The following CSMD1 variants were observed in gnomAD, a reference collection of about 807,000 sequenced individuals.
CSMD1 encodes the protein CUB and sushi domain-containing protein 1.
A neutral mutation model predicts 417.5 loss-of-function variants in CSMD1; 213 were observed. The ratio of observed to expected loss-of-function variants is 0.51; its 90% CI spans 0.46 to 0.57. The LOEUF (loss-of-function observed/expected upper bound fraction) is 0.57, where lower values mean the gene tolerates loss of function less well. Among genes scored for constraint, CSMD1 ranks in the 20% least tolerant of loss-of-function variants. CSMD1 has a pLI of 0.00. For missense variants in CSMD1, 6,923 were observed against 4,529.7 expected, an observed-to-expected ratio of 1.53 and a Z score of -15.17; for synonymous variants, 2,862 against 1,736.8, an observed-to-expected ratio of 1.65 and a Z score of -16.11.
chr8:3,306,301 G>A (rs1329686804), intron 25 of CSMD1, among the ~76,000 whole-genome samples: 2 of 152,192 alleles, frequency 1.3e-5, no homozygotes, highest in Non-Finnish European at 2.9e-5. Flanking sequence ...AGTATCCTGA[G>A]TAGCTGGGAT....
chr8:4,881,661 A>G (rs535780923), intron 1 of CSMD1, among the ~76,000 whole-genome samples: 2 of 152,148 alleles, frequency 1.3e-5, no homozygotes, highest in African/African-American at 2.4e-5. Context: ...TTTTAAATAC[A>G]TAAAGAGTCT....
chr8:3,236,100 A>G (rs1799139846), intron 26 of CSMD1, among the ~76,000 whole-genome samples: 1 of 151,706 alleles, frequency 6.6e-6, no homozygotes, highest in African/African-American at 2.4e-5. Flanking sequence ...TTGTATTTTT[A>G]GTAGAGACAG....
intron 2 of CSMD1, among the ~76,000 whole-genome samples, chr8:4,518,850 G>T (rs921309345): frequency 6.6e-6 from 1 of 151,936 alleles, no homozygotes; most frequent in Non-Finnish European, 1.5e-5. Context: ...TATTCGGCAT[G>T]GTCTAAATAC....
In CSMD1 at chr8:4,914,309, G is replaced by T. The variant is rs1297758566; in HGVS notation, c.85+80023C>A. 3.3e-5 allele frequency among the ~76,000 whole-genome samples: 5 copies of T among 152,236 alleles called. No individual in the cohort carries two copies. In the East Asian group the frequency reaches 7.7e-4, roughly 24 times the overall value. On this transcript the variant is annotated intron_variant, in intron 1 of 69. Transcript: ENST00000635120. The stretch of plus-strand genomic sequence containing the variant: ...TTGGAAGATAGGGCCGGGTGCGGTG[G>T]CTCACACCTGTAATCCCAACACTTT...
At chr8:4,451,349 C>G (rs1799134500) in intron 2 of CSMD1, among the ~76,000 whole-genome samples, 2 of 152,066 alleles carry the variant, frequency 1.3e-5, no homozygotes, top group Admixed American at 1.3e-4. Flanking sequence ...GACCCTGACT[C>G]AAAATAATAA....
intron 2 of CSMD1, among the ~76,000 whole-genome samples, chr8:4,546,667 G>T (rs1376663001): frequency 1.3e-5 from 2 of 152,000 alleles, no homozygotes; most frequent in Non-Finnish European, 1.5e-5. Flanking sequence ...GGCTTTCCTG[G>T]ATCTCCAGCC....
chr8:4,438,786 G>C (rs529988003), intron 2 of CSMD1, among the ~76,000 whole-genome samples: 4 of 152,180 alleles, frequency 2.6e-5, no homozygotes, highest in African/African-American at 7.2e-5. Flanking sequence ...ACAAGTGCTT[G>C]AAGGATCAAA....
At chr8:4,554,609 G>A (rs922327453) in intron 2 of CSMD1, among the ~76,000 whole-genome samples, 2 of 152,118 alleles carry the variant, frequency 1.3e-5, no homozygotes, top group Admixed American at 6.5e-5. Context: ...ACCGTTCTCA[G>A]GATGTGTTGA....
intron 38 of CSMD1, among the ~76,000 whole-genome samples, chr8:3,161,749 C>G (rs1819911866): frequency 6.6e-6 from 1 of 151,706 alleles, no homozygotes; most frequent in East Asian, 1.9e-4. Flanking sequence ...CTACCTAGCC[C>G]AAAGAGGGCA....
intron 1 of CSMD1, among the ~76,000 whole-genome samples, chr8:4,831,052 C>G (rs1023394856): frequency 4.5e-4 from 69 of 152,188 alleles, no homozygotes; most frequent in Non-Finnish European, 8.8e-5. Flanking sequence ...CCCTTTACTT[C>G]AACTCCAACC....
At chr8:4,445,549 T>C (rs1351533527) in intron 2 of CSMD1, among the ~76,000 whole-genome samples, 1 of 152,198 alleles carries the variant, frequency 6.6e-6, no homozygotes, top group Non-Finnish European at 1.5e-5. Context: ...GCTTGTGTGA[T>C]AAAAATGGCT....
intron 6 of CSMD1, among the ~76,000 whole-genome samples, chr8:3,746,793 T>C (rs1038083561): frequency 1.3e-5 from 2 of 152,190 alleles, no homozygotes; most frequent in African/African-American, 4.8e-5. Context: ...GACTTTTTAA[T>C]ATACCGAGAG....
intron 25 of CSMD1, among the ~76,000 whole-genome samples, chr8:3,287,375 C>T (rs1290029120): frequency 1.3e-5 from 2 of 152,102 alleles, no homozygotes; most frequent in Non-Finnish European, 2.9e-5. Context: ...GGCATTGAAT[C>T]TATAAATTAC....
At chr8:4,396,162 C>T (rs1292745359) in intron 3 of CSMD1, among the ~76,000 whole-genome samples, 1 of 152,004 alleles carries the variant, frequency 6.6e-6, no homozygotes, top group Non-Finnish European at 1.5e-5. Context: ...TAATTATTTG[C>T]AAAGCAAGAA....
chr8:3,999,086 A>G (rs1453826824), intron 4 of CSMD1, among the ~76,000 whole-genome samples: 2 of 151,142 alleles, frequency 1.3e-5, no homozygotes, highest in Admixed American at 6.6e-5. Context: ...AGAGAGAAGT[A>G]TTTTAAAATA....
intron 3 of CSMD1, among the ~76,000 whole-genome samples, chr8:4,046,471 A>G (rs1798152899): frequency 6.6e-6 from 1 of 152,060 alleles, no homozygotes; most frequent in Admixed American, 6.5e-5. Flanking sequence ...AAGCTTCATG[A>G]AAAGAGTCTT....
chr8:4,758,823 C>T (rs995486418), intron 1 of CSMD1, among the ~76,000 whole-genome samples: 1 of 152,122 alleles, frequency 6.6e-6, no homozygotes, highest in Non-Finnish European at 1.5e-5. Context: ...ATCCAACCAC[C>T]TCCCACCAGG....
chr8:3,224,429 A>T (rs1798382504), intron 27 of CSMD1, among the ~76,000 whole-genome samples: 1 of 152,186 alleles, frequency 6.6e-6, no homozygotes, highest in Non-Finnish European at 1.5e-5. Flanking sequence ...GGAAATGGTT[A>T]TTGGGTACAT....
intron 3 of CSMD1, among the ~76,000 whole-genome samples, chr8:4,328,696 G>C (rs1321204042): frequency 2.6e-5 from 4 of 152,144 alleles, no homozygotes; most frequent in Admixed American, 2.6e-4. Flanking sequence ...CTACTAGGAA[G>C]TGCTTTATTA....
Sources: gnomAD v4.1 joint callset for allele counts (sites outside exome capture counted in the v4.1 genomes callset) on GRCh38, gnomAD v4.1.1 for gene constraint, MANE v1.5 for transcripts, NCBI Gene and HGNC (gene_info 2026-07-23, HGNC 2026-07-21) for gene names.